Variants in PHTF2 observed in about 807,000 individuals in gnomAD.
PHTF2 encodes the protein putative homeodomain transcription factor 2.
Under a neutral mutation model 101.2 loss-of-function variants are expected in PHTF2, and 60 were observed. The observed-to-expected ratio is 0.59, with a 90% confidence interval of 0.48 to 0.73. PHTF2 has a LOEUF of 0.73. Ranked by LOEUF, PHTF2 falls within the 30% of genes least tolerant of loss-of-function variation. The pLI, the probability that PHTF2 is intolerant of heterozygous loss-of-function variation, is 0.00. For synonymous variants in PHTF2, 311 were observed against 307.3 expected (o/e 1.01, Z -0.13); for missense variants, 747 against 908.7 (o/e 0.82, Z 2.29).
chr7:77,848,842 T>G (rs1329687704), intron 2 of PHTF2, among the ~76,000 whole-genome samples: 2 of 152,218 alleles, frequency 1.3e-5, no homozygotes, highest in African/African-American at 2.4e-5. Context: ...GTTTAAAGTC[T>G]TAGATTTAAA....
At chr7:77,873,670 G>A (rs1798705945) in intron 3 of PHTF2, among the ~76,000 whole-genome samples, 1 of 152,146 alleles carries the variant, frequency 6.6e-6, no homozygotes, top group African/African-American at 2.4e-5. Flanking sequence ...AGGGGATGTT[G>A]CCACTACTGG....
intron 13 of PHTF2, 59 bp from the exon 13 acceptor site, chr7:77,939,971 A>G (rs1805502460): frequency 6.4e-6 from 8 of 1,245,444 alleles, no homozygotes; most frequent in Non-Finnish European, 9.0e-6. Flanking sequence ...TCTACTGTAG[A>G]TAAAATTTAT....
intron 15 of PHTF2, among the ~76,000 whole-genome samples, chr7:77,941,322 G>T (rs1192447420): frequency 6.6e-6 from 1 of 151,990 alleles, no homozygotes; most frequent in Non-Finnish European, 1.5e-5. Flanking sequence ...AATTTAACTT[G>T]TTAAATTTAG....
intron 3 of PHTF2, among the ~76,000 whole-genome samples, chr7:77,892,112 C>T (rs1237808368): frequency 1.3e-5 from 2 of 152,118 alleles, no homozygotes; most frequent in African/African-American, 4.8e-5. Flanking sequence ...ACCGTCTGTA[C>T]TAAAAATACA....
At position 77,933,710 on chromosome 7, in the gene PHTF2, T is replaced by TA. The variant is rs1562963249; in HGVS notation, c.1339-4000_1339-3999insA. Among the ~76,000 whole-genome samples the TA allele has an allele frequency of 3.1e-3, 436 of 139,748 alleles. 2 individuals carry two copies. Among genetic ancestry groups the TA allele is most frequent in the Non-Finnish European group, 5.0e-3 (329 of 66,158 alleles). The allele number at this position is 139,748 out of a possible 152,430, so 91.7% of individuals were successfully genotyped here. On this transcript the variant is annotated intron_variant, in intron 12 of 19. Transcript: ENST00000416283. ...AAGCAGCATAAAAGCAGGGACCATG[T>TA]GTTTTTTTTTTTTTTTTTTGCTCAG...
rs757406395 is a variant in PHTF2, at chr7:77,922,683, A to G, written c.1024A>G (p.Thr342Ala). The G allele has an allele frequency of 1.2e-6, 2 of 1,610,856 alleles. No individual in the cohort carries two copies. The highest frequency in any genetic ancestry group is 3.3e-5 in the Admixed American group (2 of 59,764). Residue 342 changes from threonine (T) to alanine (A), a missense_variant, in exon 11 of 20, where the codon ACA becomes GCA. Thr to Ala is a moderately conservative substitution (Grantham distance 58). This residue lies in a region of PHTF2 where 349 missense variants were observed against 369.7 expected (regional missense o/e 0.94). Transcript: ENST00000416283. ...AGTCTCCAGTGAGGAAGGTCCTGAA[A>G]CAGGATACTCATTACGTCGTCATGT...
chr7:77,850,528 A>C (rs1266778302), intron 2 of PHTF2, among the ~76,000 whole-genome samples: 1 of 151,130 alleles, frequency 6.6e-6, no homozygotes, highest in African/African-American at 2.4e-5. Flanking sequence ...TGTAGTTGCA[A>C]CTACTTGGGA....
chr7:77,804,320 G>A (rs907369333), intron 1 of PHTF2, among the ~76,000 whole-genome samples: 1 of 151,806 alleles, frequency 6.6e-6, no homozygotes, highest in African/African-American at 2.4e-5. Context: ...TTAATGAGGG[G>A]TTTTTTGTTT....
At chr7:77,821,123 G>A (rs1235312346) in intron 1 of PHTF2, among the ~76,000 whole-genome samples, 3 of 101,656 alleles carry the variant, frequency 3.0e-5, no homozygotes, top group African/African-American at 1.2e-4. Context: ...TTCTTGGATG[G>A]CAGTTTTTTT....
chr7:77,949,354 A>G (rs1299683015), intron 16 of PHTF2, among the ~76,000 whole-genome samples: 1 of 152,162 alleles, frequency 6.6e-6, no homozygotes, highest in Non-Finnish European at 1.5e-5. Context: ...AAAGATAAAC[A>G]TAAAATTCAT....
At chr7:77,804,828 G>A (rs1018073147) in intron 1 of PHTF2, among the ~76,000 whole-genome samples, 1 of 152,062 alleles carries the variant, frequency 6.6e-6, no homozygotes, top group Non-Finnish European at 1.5e-5. Context: ...CCTCATTATT[G>A]TCCCCAAATT....
At chr7:77,822,735 G>T (rs964902963) in intron 1 of PHTF2, among the ~76,000 whole-genome samples, 2 of 151,960 alleles carry the variant, frequency 1.3e-5, no homozygotes, top group Admixed American at 1.3e-4. Flanking sequence ...ATCTCATCAC[G>T]TGCATCTCCA....
At position 77,908,964 on chromosome 7, in the gene PHTF2, G is replaced by GT. The variant is rs1252109262; in HGVS notation, c.611+12dup. The GT allele has an allele frequency of 1.9e-6, 3 of 1,572,414 alleles. No individual in the cohort carries two copies. Among genetic ancestry groups the GT allele is most frequent in the Admixed American group, 1.9e-5 (1 of 53,438 alleles). On this transcript the variant is annotated splice_region_variant and intron_variant, in intron 8 of 19. Coordinates refer to ENST00000416283, the Ensembl canonical transcript of PHTF2. ...ACAGGGGGTAAAAGAAGAAGGTACT[G>GT]TTTTTTAAAAAGTAATCTTTTTGTA...
intron 3 of PHTF2, among the ~76,000 whole-genome samples, chr7:77,867,867 C>T (rs979235796): frequency 9.2e-5 from 14 of 152,098 alleles, no homozygotes; most frequent in Admixed American, 6.5e-4. Flanking sequence ...CCTTTACATA[C>T]GATCTTTTGT....
intron 1 of PHTF2, among the ~76,000 whole-genome samples, chr7:77,820,752 C>A (rs1488769741): frequency 6.6e-6 from 1 of 152,252 alleles, no homozygotes; most frequent in African/African-American, 2.4e-5. Flanking sequence ...GGAATTTAAT[C>A]CGTTTACATT....
intron 1 of PHTF2, among the ~76,000 whole-genome samples, chr7:77,826,147 G>GA (rs1794681726): frequency 6.6e-6 from 1 of 150,872 alleles, no homozygotes; most frequent in South Asian, 2.1e-4. Flanking sequence ...TATACAAAGA[G>GA]AAAAAAATTC....
At chr7:77,848,589 C>T (rs1254580727) in intron 2 of PHTF2, among the ~76,000 whole-genome samples, 2 of 151,988 alleles carry the variant, frequency 1.3e-5, no homozygotes, top group East Asian at 3.9e-4. Context: ...TGTTTGAGCT[C>T]CTTGTATATT....
At chr7:77,904,858 GTTTCTTTA>G (rs1052160832) in intron 7 of PHTF2, among the ~76,000 whole-genome samples, 5 of 152,178 alleles carry the variant, frequency 3.3e-5, no homozygotes, top group Non-Finnish European at 7.4e-5. Context: ...TATTTTCATT[GTTTCTTTA>G]TATGTCTCTT....
chr7:77,830,722 C>G (rs768985825), intron 1 of PHTF2, among the ~76,000 whole-genome samples: 1 of 152,192 alleles, frequency 6.6e-6, no homozygotes, highest in Non-Finnish European at 1.5e-5. Context: ...AAATTGCTTG[C>G]AGACCCATAT....
Sources: allele counts gnomAD v4.1 joint callset (sites outside exome capture counted in the v4.1 genomes callset), GRCh38; gene constraint gnomAD v4.1.1; regional missense constraint gnomAD v4.1.1; transcripts MANE v1.5; gene names NCBI Gene and HGNC (gene_info 2026-07-23, HGNC 2026-07-21).